The following SYT13 variants were observed in gnomAD, a reference collection of about 807,000 sequenced individuals.
SYT13 encodes synaptotagmin 13, also known as synaptotagmin-13.
Under a neutral mutation model 38.6 loss-of-function variants are expected in SYT13, and 21 were observed. The ratio of observed to expected loss-of-function variants is 0.54; its 90% CI spans 0.39 to 0.78. SYT13 has a LOEUF of 0.78. SYT13 is among the 30% of genes least tolerant of loss of function. The probability of loss-of-function intolerance (pLI) is 0.00; values close to 1 mark genes in which losing one functional copy is unlikely to be tolerated. For missense variants in SYT13, 495 were observed against 548.7 expected, an observed-to-expected ratio of 0.90 and a Z score of 0.98; for synonymous variants, 241 against 237.6, an observed-to-expected ratio of 1.01 and a Z score of -0.13.
intron 5 of SYT13, among the ~76,000 whole-genome samples, chr11:45,246,003 G>A (rs180767889): frequency 7.2e-5 from 11 of 152,276 alleles, no homozygotes; most frequent in African/African-American, 2.2e-4. Flanking sequence ...GGTGACAAGG[G>A]CTGGGCCAAG....
At chr11:45,261,540 G>T (rs548700841) in intron 1 of SYT13, among the ~76,000 whole-genome samples, 1 of 152,062 alleles carries the variant, frequency 6.6e-6, no homozygotes, top group Non-Finnish European at 1.5e-5. Context: ...GGAGGTTGCA[G>T]TGAGCTGAGA....
At chr11:45,267,939 C>G (rs369430692) in intron 1 of SYT13, among the ~76,000 whole-genome samples, 17 of 152,244 alleles carry the variant, frequency 1.1e-4, no homozygotes, top group African/African-American at 3.6e-4. Flanking sequence ...CGAGTCTGTG[C>G]CCCCAATCCT....
chr11:45,261,617 C>G (rs7942231), intron 1 of SYT13, among the ~76,000 whole-genome samples: 58,768 of 147,616 alleles, frequency 0.4, 14,009 homozygotes, highest in Non-Finnish European at 0.54. Flanking sequence ...GAAAAGAAAA[C>G]AAAAGGAAAG....
At position 45,243,876 on chromosome 11, in the gene SYT13, T is replaced by C; in HGVS notation, c.*176A>G. On this transcript the variant is annotated 3_prime_UTR_variant, in exon 6 of 6. Transcript: ENST00000020926. ...CCTCAGTGTGACCCGCATATTCCAT[T>C]TCCTGCTCTGTCTTGCTTATTTCTA... The C allele has an allele frequency of 1.5e-6, 1 of 669,864 alleles. No individual in the cohort carries two copies. Among genetic ancestry groups the C allele is most frequent in the Non-Finnish European group, 2.5e-6 (1 of 399,312 alleles). 41.5% of individuals were successfully genotyped at this position (669,864 alleles called of 1,614,324 possible). A position where few individuals can be genotyped will look rare whatever the true frequency, so the allele number is the denominator to read the frequency against.
chr11:45,246,480 T>C lies in SYT13; in HGVS notation c.879A>G (p.Leu293=). ...EPSAGAGEVL[L]SISYLPAANR... Reference sequence around the variant, plus strand: ...TGGCAGCCGGGAGGTAGCTGATGGATAGTAGGACCTCTCCAGCTCCTGCAG... The same window carrying C: ...TGGCAGCCGGGAGGTAGCTGATGGACAGTAGGACCTCTCCAGCTCCTGCAG... Residue 293 remains leucine, a synonymous_variant, in exon 5 of 6, where the codon CTA becomes CTG. Transcript: ENST00000020926. The C allele has an allele frequency of 6.2e-7, 1 of 1,614,128 alleles. No individual in the cohort carries two copies. Among genetic ancestry groups the C allele is most frequent in the Non-Finnish European group, 8.5e-7 (1 of 1,180,026 alleles).
intron 1 of SYT13, among the ~76,000 whole-genome samples, chr11:45,267,397 GTC>G (rs1854896972): frequency 6.6e-6 from 1 of 152,224 alleles, no homozygotes; most frequent in Non-Finnish European, 1.5e-5. Context: ...AAACGGGACT[GTC>G]AGCGCCAATT....
chr11:45,258,112 T>C lies in SYT13; in HGVS notation c.184-2221A>G, dbSNP rs764177595. ...TTCGGTGGAGTGAAGTCACTTGGAA[T>C]CATGCAGCTGGTGAGGGCAGCAGCA... On this transcript the variant is annotated intron_variant, in intron 1 of 5. Transcript: ENST00000020926. Among the ~76,000 whole-genome samples, 131 of 152,174 alleles carry C rather than the reference T, an allele frequency of 8.6e-4. 1 individual carries two copies. Among genetic ancestry groups the C allele is most frequent in the Non-Finnish European group, 1.5e-3 (105 of 68,032 alleles).
chr11:45,278,895 G>A (rs894039503), intron 1 of SYT13, among the ~76,000 whole-genome samples: 4 of 152,146 alleles, frequency 2.6e-5, no homozygotes, highest in East Asian at 1.9e-4. Flanking sequence ...TGTCTTCCAC[G>A]TTGCTAAGCA....
At chr11:45,245,459 T>C (rs1194533449) in intron 5 of SYT13, among the ~76,000 whole-genome samples, 1 of 152,230 alleles carries the variant, frequency 6.6e-6, no homozygotes, top group East Asian at 1.9e-4. Flanking sequence ...GATAAAAGCA[T>C]TGAACTTTGA....
intron 1 of SYT13, 78 bp downstream of exon 1, chr11:45,285,947 C>G: frequency 6.5e-7 from 1 of 1,543,764 alleles, no homozygotes; most frequent in African/African-American, 1.3e-5. Context: ...ACGACCGCCT[C>G]CCACCCCAGT....
intron 1 of SYT13, among the ~76,000 whole-genome samples, chr11:45,275,732 C>T (rs1355558126): frequency 6.6e-6 from 1 of 152,164 alleles, no homozygotes; most frequent in Admixed American, 6.6e-5. Flanking sequence ...CCAGGCATCA[C>T]ACTGGCCTGG....
chr11:45,269,524 C>G (rs1287180466), intron 1 of SYT13: 2 of 1,254,748 alleles, frequency 1.6e-6, no homozygotes, highest in African/African-American at 1.5e-5. Flanking sequence ...ATGCACAACA[C>G]AAACTTTATT....
At chr11:45,262,972 C>A (rs116465935) in intron 1 of SYT13, among the ~76,000 whole-genome samples, 1,907 of 152,180 alleles carry the variant, frequency 0.013, 41 homozygotes, top group African/African-American at 0.044. Context: ...TGGAAGATGA[C>A]CCCTGGAAAT....
chr11:45,255,630 C>T, intron 2 of SYT13, 36 bp downstream of exon 2: 1 of 1,590,662 alleles, frequency 6.3e-7, no homozygotes. Context: ...CACTGGAGTG[C>T]TGCCCATGGA....
intron 1 of SYT13, among the ~76,000 whole-genome samples, chr11:45,274,593 C>T (rs531035790): frequency 2.5e-4 from 38 of 152,292 alleles, no homozygotes; most frequent in African/African-American, 8.9e-4. Flanking sequence ...AAGCAGGGTG[C>T]AGGGGGCATT....
At chr11:45,276,540 C>T (rs899820461) in intron 1 of SYT13, among the ~76,000 whole-genome samples, 4 of 151,900 alleles carry the variant, frequency 2.6e-5, no homozygotes, top group Non-Finnish European at 4.4e-5. Context: ...ATGTAACAAA[C>T]CTGCACGTTC....
intron 1 of SYT13, among the ~76,000 whole-genome samples, chr11:45,285,040 A>G (rs1425779686): frequency 6.6e-6 from 1 of 152,194 alleles, no homozygotes; most frequent in Non-Finnish European, 1.5e-5. Context: ...TCCTGGAACC[A>G]TACAGTCTAT....
intron 2 of SYT13, among the ~76,000 whole-genome samples, chr11:45,255,372 G>A (rs1183822082): frequency 6.6e-6 from 1 of 152,120 alleles, no homozygotes; most frequent in African/African-American, 2.4e-5. Context: ...CCTTGACTCT[G>A]AAGCCCATGG....
chr11:45,244,328 G>A lies in SYT13; in HGVS notation c.1005C>T (p.His335=). The change falls in exon 6 of 6, where the codon CAC becomes CAT. Residue 335 remains histidine (H), a synonymous_variant. Transcript: ENST00000020926. The part of the protein sequence containing the change: ...KDVSVKVTLK[H]QARKLKKKQT... ...GCTTCTTCTTCAGCTTCCGAGCCTG[G>A]TGCTTCAAGGTCACCTTGACAGAGA... is the stretch of plus-strand genomic sequence containing the variant. 1.2e-6 allele frequency: 2 copies of A among 1,613,700 alleles called. No homozygotes were observed. The highest frequency in any genetic ancestry group is 1.7e-6 in the Non-Finnish European group (2 of 1,179,816).
Sources: allele counts gnomAD v4.1 joint callset (sites outside exome capture counted in the v4.1 genomes callset), GRCh38; gene constraint gnomAD v4.1.1; transcripts MANE v1.5; gene names NCBI Gene and HGNC (gene_info 2026-07-23, HGNC 2026-07-21).